Variants in C8orf34 observed in about 807,000 individuals in gnomAD.
The protein encoded by C8orf34 is uncharacterized protein C8orf34.
Under a neutral mutation model 68.3 loss-of-function variants are expected in C8orf34, and 65 were observed. The observed-to-expected ratio is 0.95, with a 90% confidence interval of 0.78 to 1.17. C8orf34 has a LOEUF of 1.17. Among genes scored for constraint, C8orf34 ranks in the 50% most tolerant of loss-of-function variants. The pLI, the probability that C8orf34 is intolerant of heterozygous loss-of-function variation, is 0.00. For missense variants in C8orf34, 664 were observed against 655.4 expected (o/e 1.01, Z -0.14); for synonymous variants, 244 against 241.2 (o/e 1.01, Z -0.11).
intron 2 of C8orf34, among the ~76,000 whole-genome samples, chr8:68,441,379 C>T (rs1810903489): frequency 6.6e-6 from 1 of 152,156 alleles, no homozygotes; most frequent in East Asian, 1.9e-4. Flanking sequence ...TAGGTGCAAC[C>T]CAGAGTTCCT....
At chr8:68,596,710 G>C (rs1817556300) in intron 7 of C8orf34, among the ~76,000 whole-genome samples, 1 of 152,106 alleles carries the variant, frequency 6.6e-6, no homozygotes, top group Non-Finnish European at 1.5e-5. Flanking sequence ...CTTTCATAAG[G>C]GGCTGGAAGT....
rs1378807573 is a variant in C8orf34, at chr8:68,469,067, A to G, written c.736+247A>G. On this transcript the variant is annotated intron_variant, in intron 4 of 13. Transcript: ENST00000518698. ...ATAGCTGTTTGGCTCCAACACTTGTACATGGTTTCTGTTATCCAGTTTAAA... is the reference window on the plus strand; with the variant it reads ...ATAGCTGTTTGGCTCCAACACTTGTGCATGGTTTCTGTTATCCAGTTTAAA... 5.3e-5 allele frequency among the ~76,000 whole-genome samples: 8 copies of G among 152,156 alleles called. No individual in the cohort carries two copies. In the South Asian group the frequency reaches 1.2e-3, roughly 24 times the overall value.
chr8:68,342,693 C>T (rs1374550694), intron 1 of C8orf34, among the ~76,000 whole-genome samples: 1 of 152,184 alleles, frequency 6.6e-6, no homozygotes, highest in Non-Finnish European at 1.5e-5. Flanking sequence ...CCCACACTGT[C>T]TATTCCACCC....
chr8:68,809,613 C>T lies in C8orf34; in HGVS notation c.1550-6273C>T, dbSNP rs573309121. Among the ~76,000 whole-genome samples the T allele has an allele frequency of 2.0e-5, 3 of 152,224 alleles. No homozygotes were observed. In the South Asian group the frequency reaches 6.2e-4, roughly 32 times the overall value. On this transcript the variant is annotated intron_variant, in intron 12 of 13. Coordinates refer to ENST00000518698, the MANE Select transcript of C8orf34 (RefSeq NM_052958.4). ...GTGAGACTCCAAAACAAAAAAGAAC[C>T]CATTACTCAGGATTTTCATCATGTA...
intron 12 of C8orf34, among the ~76,000 whole-genome samples, chr8:68,797,870 G>A (rs1352463721): frequency 6.6e-6 from 1 of 152,164 alleles, no homozygotes; most frequent in Non-Finnish European, 1.5e-5. Context: ...CAGGAAAAAA[G>A]TGAGACAGGA....
At chr8:68,334,223 C>T (rs955656442) in intron 1 of C8orf34, among the ~76,000 whole-genome samples, 1 of 151,984 alleles carries the variant, frequency 6.6e-6, no homozygotes, top group Non-Finnish European at 1.5e-5. Context: ...CCAGCTGACT[C>T]AGGTGAATAA....
intron 3 of C8orf34, among the ~76,000 whole-genome samples, chr8:68,460,016 C>T (rs926037004): frequency 7.9e-5 from 12 of 152,178 alleles, no homozygotes. Flanking sequence ...CACAAGGGGT[C>T]AGGGAGTTCC....
chr8:68,764,346 G>A (rs7826665), intron 10 of C8orf34, among the ~76,000 whole-genome samples: 47,615 of 152,084 alleles, frequency 0.31, 8,400 homozygotes, highest in African/African-American at 0.48. Flanking sequence ...GTTTGTTGGC[G>A]GTGCAGACCT....
intron 7 of C8orf34, among the ~76,000 whole-genome samples, chr8:68,560,648 T>G (rs1429946445): frequency 6.6e-6 from 1 of 152,186 alleles, no homozygotes. Flanking sequence ...CTGTAGGCAA[T>G]TGTAATGCAA....
At chr8:68,639,323 A>T (rs371197044) in intron 7 of C8orf34, among the ~76,000 whole-genome samples, 3 of 152,244 alleles carry the variant, frequency 2.0e-5, no homozygotes, top group South Asian at 4.1e-4. Context: ...TTCACTTGGG[A>T]TGCCTATGGA....
At position 68,510,101 on chromosome 8, in the gene C8orf34, GT is replaced by G. The variant is rs1038681791; in HGVS notation, c.766-11691del. On this transcript the variant is annotated intron_variant, in intron 5 of 13. Transcript: ENST00000518698. ...TCTGCCTCTGGATCCTGTAAATCCA[GT>G]TTTTTTCTTAGGGCTTTGACCCAAA... Among the ~76,000 whole-genome samples, 13 of 152,250 alleles carry G rather than the reference GT, an allele frequency of 8.5e-5. No homozygotes were observed. The South Asian group carries it at 2.5e-3, about 29-fold the overall frequency.
intron 1 of C8orf34, 163 bp downstream of exon 1, chr8:68,331,502 C>T (rs1299209138): frequency 8.7e-6 from 7 of 806,250 alleles, no homozygotes; most frequent in Non-Finnish European, 1.4e-5. Context: ...TCTGTCCCGG[C>T]CAGGTGTCCT....
chr8:68,438,792 T>G (rs1474729410), intron 1 of C8orf34: 1 of 152,078 alleles, frequency 6.6e-6, no homozygotes, highest in African/African-American at 2.4e-5. Context: ...AAAAAATATG[T>G]AGATATTACC....
At chr8:68,563,338 A>T (rs529200848) in intron 7 of C8orf34, among the ~76,000 whole-genome samples, 1 of 152,262 alleles carries the variant, frequency 6.6e-6, no homozygotes, top group African/African-American at 2.4e-5. Context: ...TACAGTTGTG[A>T]TAACTCTAAA....
chr8:68,722,878 T>C (rs1342163989), intron 10 of C8orf34, among the ~76,000 whole-genome samples: 1 of 151,974 alleles, frequency 6.6e-6, no homozygotes, highest in African/African-American at 2.4e-5. Flanking sequence ...TACTGTAAAA[T>C]GGTAAAATCT....
intron 4 of C8orf34, among the ~76,000 whole-genome samples, chr8:68,475,750 G>A (rs532877064): frequency 5.3e-5 from 8 of 152,206 alleles, no homozygotes; most frequent in African/African-American, 1.9e-4. Flanking sequence ...ACTTCGTGAG[G>A]CACTATTCCC....
chr8:68,484,124 C>A (rs148895252), intron 4 of C8orf34, among the ~76,000 whole-genome samples: 5 of 152,330 alleles, frequency 3.3e-5, no homozygotes, highest in African/African-American at 1.2e-4. Flanking sequence ...CAAGGCCAAG[C>A]AGGAACTAGC....
chr8:68,729,375 T>C (rs1821919045), intron 10 of C8orf34, among the ~76,000 whole-genome samples: 2 of 152,168 alleles, frequency 1.3e-5, no homozygotes, highest in Admixed American at 6.5e-5. Flanking sequence ...CATTGCCTGC[T>C]AAGACTTAAA....
intron 3 of C8orf34, among the ~76,000 whole-genome samples, chr8:68,460,631 T>C (rs1462205755): frequency 1.3e-5 from 2 of 152,148 alleles, no homozygotes; most frequent in East Asian, 3.9e-4. Context: ...CATTTGCAGT[T>C]CATGAAAATC....
Sources: gnomAD v4.1 joint callset for allele counts (sites outside exome capture counted in the v4.1 genomes callset) on GRCh38, gnomAD v4.1.1 for gene constraint, MANE v1.5 for transcripts, NCBI Gene and HGNC (gene_info 2026-07-23, HGNC 2026-07-21) for gene names.